SOS1: variants seen among roughly 807,000 people sequenced by gnomAD.
SOS1 encodes the protein SOS Ras/Rac guanine nucleotide exchange factor 1, also known as son of sevenless homolog 1.
SOS1 carries 25 observed loss-of-function variants against 157.6 expected under a neutral mutation model. The ratio of observed to expected loss-of-function variants is 0.16; its 90% CI spans 0.12 to 0.22. SOS1 has a LOEUF of 0.22. Ranked by LOEUF, SOS1 falls within the 10% of genes least tolerant of loss-of-function variation. The pLI is 1.00. For missense variants in SOS1, 1,237 were observed against 1,599.1 expected (o/e 0.77, Z 3.86); for synonymous variants, 528 against 534.0 (o/e 0.99, Z 0.16).
At chr2:39,096,527 A>T (rs1672767481) in intron 1 of SOS1, among the ~76,000 whole-genome samples, 1 of 152,216 alleles carries the variant, frequency 6.6e-6, no homozygotes, top group Admixed American at 6.5e-5. Context: ...CATTTCAAAT[A>T]TCTTAAGCTT....
chr2:39,114,977 G>A (rs7589303), intron 1 of SOS1, among the ~76,000 whole-genome samples: 1 of 151,924 alleles, frequency 6.6e-6, no homozygotes, highest in East Asian at 1.9e-4. Context: ...CTTGCTTCTC[G>A]GTCTCCTTAC....
chr2:39,041,335 T>A (rs1016019193), intron 6 of SOS1, among the ~76,000 whole-genome samples: 7 of 152,232 alleles, frequency 4.6e-5, no homozygotes, highest in Non-Finnish European at 1.0e-4. Flanking sequence ...TAATGTACCA[T>A]GTTGGCCATT....
chr2:39,117,333 T>C (rs74258982), intron 1 of SOS1, among the ~76,000 whole-genome samples: 9,933 of 152,230 alleles, frequency 0.065, 425 homozygotes, highest in East Asian at 0.17. Flanking sequence ...GGCCCTGTCA[T>C]TTACCTTTTT....
intron 2 of SOS1, among the ~76,000 whole-genome samples, chr2:39,066,177 TA>T: frequency 6.6e-6 from 1 of 152,274 alleles, no homozygotes; most frequent in East Asian, 1.9e-4. Context: ...ATGTGTGCCA[TA>T]AAAACATTAC....
chr2:39,065,396 G>A (rs1558496860), intron 2 of SOS1, among the ~76,000 whole-genome samples: 2 of 152,010 alleles, frequency 1.3e-5, no homozygotes, highest in Non-Finnish European at 2.9e-5. Flanking sequence ...CAACTTTATG[G>A]TTTACATTAG....
At chr2:39,108,627 T>C (rs1043615126) in intron 1 of SOS1, among the ~76,000 whole-genome samples, 1 of 152,070 alleles carries the variant, frequency 6.6e-6, no homozygotes, top group African/African-American at 2.4e-5. Flanking sequence ...AGTGGCTCAC[T>C]CCTGTAATCC....
chr2:39,013,078 G>A (rs772059333), intron 13 of SOS1, among the ~76,000 whole-genome samples: 1 of 152,078 alleles, frequency 6.6e-6, no homozygotes, highest in Non-Finnish European at 1.5e-5. Context: ...GTTAGACATA[G>A]AGTCTCAATT....
chr2:39,049,365 A>G (rs1231246634), intron 6 of SOS1, among the ~76,000 whole-genome samples: 1 of 152,176 alleles, frequency 6.6e-6, no homozygotes, highest in African/African-American at 2.4e-5. Context: ...AGTTATTTCA[A>G]TGCTTGTATA....
intron 8 of SOS1, among the ~76,000 whole-genome samples, chr2:39,033,071 TTC>T (rs1558479423): frequency 6.6e-6 from 1 of 150,388 alleles, no homozygotes; most frequent in African/African-American, 2.5e-5. Context: ...ATTCTTTTTC[TTC>T]TTTTTTTTTT....
intron 1 of SOS1, among the ~76,000 whole-genome samples, chr2:39,103,381 A>G (rs979497133): frequency 2.2e-4 from 34 of 152,200 alleles, no homozygotes; most frequent in African/African-American, 8.2e-4. Context: ...TGGAACACTC[A>G]CACTTTCTGA....
At position 39,067,649 on chromosome 2, in the gene SOS1, G is replaced by A. The variant is rs1558497974; in HGVS notation, c.192C>T (p.Pro64=). The A allele has an allele frequency of 6.2e-7, 1 of 1,613,230 alleles. No homozygotes were observed. Among genetic ancestry groups the A allele is most frequent in the Admixed American group, 1.7e-5 (1 of 59,970 alleles). Residue 64 remains proline (P), a synonymous_variant, in exon 2 of 23, where the codon CCC becomes CCT. Transcript: ENST00000402219. ...QLLNMLCQAQ[P]RSASDVEERV... ...ATACCTCTACATCTGAAGCACTTCG[G>A]GGCTGAGCTTGGCATAGCATATTTA...
chr2:39,075,521 A>C (rs1379746277), intron 1 of SOS1, among the ~76,000 whole-genome samples: 1 of 151,974 alleles, frequency 6.6e-6, no homozygotes, highest in Non-Finnish European at 1.5e-5. Flanking sequence ...ACAAACTTGA[A>C]AGTCACGTGT....
chr2:38,997,398 G>A lies in SOS1; in HGVS notation c.2819C>T (p.Thr940Ile). 1 of 1,609,722 alleles carries A rather than the reference G, an allele frequency of 6.2e-7. No homozygotes were observed. Among genetic ancestry groups the A allele is most frequent in the Non-Finnish European group, 8.5e-7 (1 of 1,176,544 alleles). Residue 940 changes from threonine (T) to isoleucine (I), a missense_variant, in exon 18 of 23, where the codon ACA (threonine) becomes ATA (isoleucine). Thr to Ile is a moderately conservative substitution (Grantham distance 89). Coordinates refer to ENST00000402219, the MANE Select transcript of SOS1 (RefSeq NM_005633.4). The part of the protein sequence containing the change: ...FGIYLTNILK[T>I]EEGNPEVLKR... ...TAGGACCTCAGGGTTGCCTTCTTCTGTTTTCAAGATATTAGTGAGATAAAT... is the reference window on the plus strand; with the variant it reads ...TAGGACCTCAGGGTTGCCTTCTTCTATTTTCAAGATATTAGTGAGATAAAT...
intron 8 of SOS1, among the ~76,000 whole-genome samples, chr2:39,028,446 T>C (rs1371592975): frequency 1.3e-5 from 2 of 152,226 alleles, no homozygotes; most frequent in Non-Finnish European, 2.9e-5. Flanking sequence ...CACAATCATA[T>C]AATGGCTTCC....
chr2:39,106,398 G>A (rs1012459655), intron 1 of SOS1, among the ~76,000 whole-genome samples: 3 of 151,648 alleles, frequency 2.0e-5, no homozygotes, highest in African/African-American at 4.9e-5. Flanking sequence ...AGACCATCCC[G>A]GCTAAAACGG....
chr2:39,121,483 G>C (rs1296658232), upstream of SOS1, among the ~76,000 whole-genome samples: 1 of 152,226 alleles, frequency 6.6e-6, no homozygotes, highest in African/African-American at 2.4e-5. Context: ...AGAAGTGATT[G>C]CGGTGTTTCT....
chr2:39,036,488 C>A (rs1670352880), intron 6 of SOS1, among the ~76,000 whole-genome samples: 1 of 152,104 alleles, frequency 6.6e-6, no homozygotes, highest in Non-Finnish European at 1.5e-5. Flanking sequence ...GTATCTGGGA[C>A]CACAGGCGCA....
intron 6 of SOS1, among the ~76,000 whole-genome samples, chr2:39,042,489 C>T (rs1182873589): frequency 3.9e-5 from 6 of 151,964 alleles, no homozygotes; most frequent in Admixed American, 1.3e-4. Context: ...CTGCAACCTC[C>T]GCCTCCTGGG....
intron 1 of SOS1, among the ~76,000 whole-genome samples, chr2:39,101,922 T>C (rs1672980302): frequency 6.6e-6 from 1 of 151,886 alleles, no homozygotes; most frequent in Admixed American, 6.6e-5. Flanking sequence ...AAAGTACTAC[T>C]TTAGGCCAGG....
Sources: gnomAD v4.1 joint callset for allele counts (sites outside exome capture counted in the v4.1 genomes callset) on GRCh38, gnomAD v4.1.1 for gene constraint, MANE v1.5 for transcripts, NCBI Gene and HGNC (gene_info 2026-07-23, HGNC 2026-07-21) for gene names.